The following CHD3 variants were observed in gnomAD, a reference collection of about 807,000 sequenced individuals.
CHD3 encodes chromodomain helicase DNA binding protein 3.
CHD3 carries 52 observed loss-of-function variants against 248.9 expected under a neutral mutation model. That is an observed-to-expected ratio of 0.21 (90% CI 0.17 to 0.26). The LOEUF is 0.26. CHD3 is among the 10% of genes least tolerant of loss of function. CHD3 has a pLI of 1.00. For synonymous variants in CHD3, 985 were observed against 985.2 expected (o/e 1.00, Z 0.00); for missense variants, 1,482 against 2,605.8 (o/e 0.57, Z 9.39).
At position 7,890,625 on chromosome 17, in the gene CHD3, A is replaced by C; in HGVS notation, c.268A>C (p.Ser90Arg). 6.2e-7 allele frequency: 1 copy of C among 1,608,636 alleles called. No homozygotes were observed. The highest frequency in any genetic ancestry group is 8.5e-7 in the Non-Finnish European group (1 of 1,178,532). ...AGATGAGTACCGGGAGAAGTCAGAG[A>C]GTGGGGGCAGTGAATATGGAACCGG... ...ERDEYREKSESGGSEYGTGPG... is the reference protein window; with the variant it reads ...ERDEYREKSERGGSEYGTGPG... The change falls in exon 3 of 40, where the codon AGT becomes CGT. Residue 90 changes from serine to arginine, a missense_variant. Physicochemically the swap from Ser to Arg is moderately radical, Grantham distance 110. Around this residue, in one of 20 missense-constraint regions of CHD3, gnomAD observed 169 missense variants for 168.1 expected, o/e 1.01. Coordinates refer to ENST00000330494, the MANE Select transcript of CHD3 (RefSeq NM_001005273.3).
rs1969544575 is a variant in CHD3, at chr17:7,895,716, C to T, written c.1707+174C>T. On this transcript the variant is annotated intron_variant, in intron 10 of 39. Transcript: ENST00000330494. The surrounding 1 kb of genome is among the most constrained non-coding windows in gnomAD (Gnocchi z 4.9). ...ATATGTGGTTCTTTTGGTCTACAGT[C>T]CTCTTTCTCTCAGTCTCCGTTAGCT... 6 of 615,986 alleles carry T rather than the reference C, an allele frequency of 9.7e-6. No homozygotes were observed. Among genetic ancestry groups the T allele is most frequent in the Admixed American group, 3.0e-5 (1 of 32,792 alleles). 38.2% of individuals were successfully genotyped at this position (615,986 alleles called of 1,614,324 possible).
Position 7,890,879 on chromosome 17 carries a change from G to C in CHD3, c.385-61G>C, listed in dbSNP as rs542536264. On this transcript the variant is annotated intron_variant, in intron 3 of 39. Coordinates refer to ENST00000330494, the MANE Select transcript of CHD3 (RefSeq NM_001005273.3). Reference sequence around the variant, plus strand: ...AGCTAGTGGGTAGGTAGACAGGCCTGTGTGCGGCCTGGAATAGGGGCTGGA... The same window carrying C: ...AGCTAGTGGGTAGGTAGACAGGCCTCTGTGCGGCCTGGAATAGGGGCTGGA... 17 of 1,608,500 alleles carry C rather than the reference G, an allele frequency of 1.1e-5. No homozygotes were observed. The South Asian group carries it at 1.7e-4, about 16-fold the overall frequency.
At position 7,894,090 on chromosome 17, in the gene CHD3, C is replaced by G. The variant is rs377613189; in HGVS notation, c.925-25C>G. The G allele has an allele frequency of 3.2e-6, 5 of 1,585,580 alleles. No homozygotes were observed. In the African/African-American group the frequency reaches 4.1e-5, roughly 13 times the overall value. ...AGGGCGTAGAATGAAGTCTGCCTCA[C>G]TGACGGCCACGGGGCTATGGGCAGT... is the stretch of plus-strand genomic sequence containing the variant. On this transcript the variant is annotated intron_variant, in intron 6 of 39. Transcript: ENST00000330494.
At chr17:7,892,239 C>T (rs2151482427) in intron 4 of CHD3, among the ~76,000 whole-genome samples, 1 of 152,274 alleles carries the variant, frequency 6.6e-6, no homozygotes, top group East Asian at 1.9e-4. Flanking sequence ...AGCACCCCAC[C>T]CCAGAGCAGA....
At chr17:7,896,989 C>T (rs1305333930) in intron 10 of CHD3, 94 bp from the exon 11 acceptor site, 1 of 1,018,926 alleles carries the variant, frequency 9.8e-7, no homozygotes, top group East Asian at 2.5e-5. Flanking sequence ...CTCCCTTTCC[C>T]TGTCCCATTC....
rs1238939132 is a variant in CHD3 at position 7,911,606 on chromosome 17, T to G, written c.*21T>G. On this transcript the variant is annotated 3_prime_UTR_variant, in exon 40 of 40. Coordinates refer to ENST00000330494, the MANE Select transcript of CHD3 (RefSeq NM_001005273.3). This position sits in a 1 kb window ranked among gnomAD's most constrained non-coding sequence, Gnocchi z 5.4. ...ACTGACTGGATCCCAGGCCTGCCCT[T>G]CACCCAGGCCCCGTCCCCGAGGCCG... The G allele has an allele frequency of 6.2e-7, 1 of 1,613,704 alleles. No homozygotes were observed.
In CHD3 at chr17:7,903,178, T is replaced by G; in HGVS notation, c.3496-94T>G. ...TCTCTTCTGGGAGGAGAGAAGGCCC[T>G]TCTTCAGCAGCCTTCTTTCCTGAGG... On this transcript the variant is annotated intron_variant, in intron 22 of 39. Transcript: ENST00000330494. The surrounding 1 kb of genome is among the most constrained non-coding windows in gnomAD (Gnocchi z 6.8). The G allele has an allele frequency of 6.4e-7, 1 of 1,565,232 alleles. No individual in the cohort carries two copies. Among genetic ancestry groups the G allele is most frequent in the Non-Finnish European group, 8.7e-7 (1 of 1,144,164 alleles).
chr17:7,885,025 C>T (rs1203779625), upstream of CHD3: 5 of 1,161,118 alleles, frequency 4.3e-6, no homozygotes, highest in Non-Finnish European at 5.3e-6. Flanking sequence ...GCCACCTCTT[C>T]CCGCCGCCGC....
In CHD3 at chr17:7,898,525, A is replaced by T; in HGVS notation, c.2081A>T (p.Gln694Leu). The T allele has an allele frequency of 6.2e-7, 1 of 1,614,148 alleles. No individual in the cohort carries two copies. The stretch of plus-strand genomic sequence containing the variant: ...CTAATTATGGGGGAAGACCCTGCCC[A>T]GCCCCGCAAGTATAAGAAGAAGAAG... ...RELIMGEDPA[Q>L]PRKYKKKKKE... The change falls in exon 13 of 40, where the codon CAG (glutamine) becomes CTG (leucine). Residue 694 changes from glutamine to leucine, a missense_variant. This residue lies in a region of CHD3 where 127 missense variants were observed against 188.3 expected (regional missense o/e 0.67). Coordinates refer to ENST00000330494, the MANE Select transcript of CHD3 (RefSeq NM_001005273.3).
rs969049037 is a variant in CHD3, at chr17:7,909,202, G to A, written c.5454G>A (p.Leu1818=). ...EQLRRAAYLN[L]SQEPAHPAMA... The stretch of plus-strand genomic sequence containing the variant: ...TGCGGCGGGCGGCCTACCTGAACCT[G>A]TCGCAGGAGCCGGCGCACCCCGCCA... Residue 1818 remains leucine (L), a synonymous_variant, in exon 37 of 40, where the codon CTG becomes CTA. Coordinates refer to ENST00000330494, the MANE Select transcript of CHD3 (RefSeq NM_001005273.3). This position sits in a 1 kb window ranked among gnomAD's most constrained non-coding sequence, Gnocchi z 8.1. 1.3e-6 allele frequency: 2 copies of A among 1,549,430 alleles called. No individual in the cohort carries two copies. The highest frequency in any genetic ancestry group is 2.4e-5 in the East Asian group (1 of 41,018).
chr17:7,908,534 A>G lies in CHD3; in HGVS notation c.5261+24A>G, dbSNP rs1450114711. ...CTGTATCCTTTGATACACATGCAAG[A>G]AGGAAAAGGTTCTCTCAAGCTGGCA... On this transcript the variant is annotated intron_variant, in intron 35 of 39. Coordinates refer to ENST00000330494, the MANE Select transcript of CHD3 (RefSeq NM_001005273.3). This position sits in a 1 kb window ranked among gnomAD's most constrained non-coding sequence, Gnocchi z 5.8. 1 of 1,601,080 alleles carries G rather than the reference A, an allele frequency of 6.2e-7. No individual in the cohort carries two copies. The highest frequency in any genetic ancestry group is 2.2e-5 in the East Asian group (1 of 44,808).
In CHD3 at chr17:7,909,329, C is replaced by T. The variant is rs1294181287; in HGVS notation, c.5581C>T (p.Leu1861=). The T allele has an allele frequency of 2.6e-6, 4 of 1,556,200 alleles. No individual in the cohort carries two copies. The highest frequency in any genetic ancestry group is 3.5e-6 in the Non-Finnish European group (4 of 1,151,426). The part of the protein sequence containing the change: ...LAGNKPANAV[L]HKVLNQLEEL... ...GGGGAACAAGCCGGCCAACGCCGTCCTGCACAAGGGTAAGGGCCGCGGCGG... is the reference window on the plus strand; with the variant it reads ...GGGGAACAAGCCGGCCAACGCCGTCTTGCACAAGGGTAAGGGCCGCGGCGG... Residue 1861 remains leucine, a synonymous_variant, in exon 37 of 40, where the codon CTG becomes TTG. Coordinates refer to ENST00000330494, the MANE Select transcript of CHD3 (RefSeq NM_001005273.3). This position sits in a 1 kb window ranked among gnomAD's most constrained non-coding sequence, Gnocchi z 8.1.
In CHD3 at chr17:7,908,032, C is replaced by T. The variant is rs1971210414; in HGVS notation, c.5152+13C>T. 5 of 1,587,232 alleles carry T rather than the reference C, an allele frequency of 3.2e-6. No homozygotes were observed. The highest frequency in any genetic ancestry group is 1.7e-5 in the Admixed American group (1 of 57,650). ...GGTGGCTTCACAGGTTGGGGAGACT[C>T]TCGCTGCTTTCTGCTCCTCAAGGGG... On this transcript the variant is annotated intron_variant, in intron 34 of 39. Coordinates refer to ENST00000330494, the MANE Select transcript of CHD3 (RefSeq NM_001005273.3). The surrounding 1 kb of genome is among the most constrained non-coding windows in gnomAD (Gnocchi z 5.8).
upstream of CHD3, among the ~76,000 whole-genome samples, chr17:7,886,292 C>T (rs891205527): frequency 7.9e-5 from 12 of 152,230 alleles, no homozygotes; most frequent in African/African-American, 2.9e-4. This position sits in a 1 kb window ranked among gnomAD's most constrained non-coding sequence, Gnocchi z 4.2. Flanking sequence ...CCCCCTCAGA[C>T]CACCCTCCTA....
In CHD3 at chr17:7,889,247, C is replaced by G. The variant is rs1366030690; in HGVS notation, c.100+147C>G. Reference sequence around the variant, plus strand: ...TAGGGAGCTGCCAGCTTGTGTCTCCCCACTCCAAGTGCTGGGGTCAGGCCA... The same window carrying G: ...TAGGGAGCTGCCAGCTTGTGTCTCCGCACTCCAAGTGCTGGGGTCAGGCCA... On this transcript the variant is annotated intron_variant, in intron 1 of 39. Coordinates refer to ENST00000330494, the MANE Select transcript of CHD3 (RefSeq NM_001005273.3). The surrounding 1 kb of genome is among the most constrained non-coding windows in gnomAD (Gnocchi z 4.5). The G allele has an allele frequency of 9.9e-7, 1 of 1,010,906 alleles. No individual in the cohort carries two copies. Among genetic ancestry groups the G allele is most frequent in the East Asian group, 2.6e-5 (1 of 39,040 alleles). 62.6% of individuals were successfully genotyped at this position (1,010,906 alleles called of 1,614,324 possible). A position where few individuals can be genotyped will look rare whatever the true frequency, so the allele number is the denominator to read the frequency against.
rs1367804819 is a variant in CHD3, at chr17:7,893,460, C to T, written c.684C>T (p.Val228=). The part of the protein sequence containing the change: ...AAVAEQVSAA[V]SSATPIAPSG... ...TAGCTGAGCAGGTGTCAGCTGCTGT[C>T]TCGTCGGCCACCCCCATAGCACCCT... The change falls in exon 5 of 40, where the codon GTC becomes GTT. Residue 228 remains valine (V), a synonymous_variant. Transcript: ENST00000330494. 3 of 1,610,580 alleles carry T rather than the reference C, an allele frequency of 1.9e-6. No homozygotes were observed. Among genetic ancestry groups the T allele is most frequent in the East Asian group, 4.5e-5 (2 of 44,766 alleles).
rs1437956001 is a variant in CHD3 at position 7,909,613 on chromosome 17, C to T, written c.5590+275C>T. On this transcript the variant is annotated intron_variant, in intron 37 of 39. Coordinates refer to ENST00000330494, the MANE Select transcript of CHD3 (RefSeq NM_001005273.3). This position sits in a 1 kb window ranked among gnomAD's most constrained non-coding sequence, Gnocchi z 8.1. ...CTGTGTCCCCTCCACACAGTGGGGCCTCTTCACTGGCAGTGGAACTGCATG... is the reference window on the plus strand; with the variant it reads ...CTGTGTCCCCTCCACACAGTGGGGCTTCTTCACTGGCAGTGGAACTGCATG... 2.0e-6 allele frequency: 1 copy of T among 506,386 alleles called. No individual in the cohort carries two copies. The highest frequency in any genetic ancestry group is 3.5e-6 in the Non-Finnish European group (1 of 287,422). 31.4% of individuals were successfully genotyped at this position (506,386 alleles called of 1,614,324 possible). A position where few individuals can be genotyped will look rare whatever the true frequency, so the allele number is the denominator to read the frequency against.
At chr17:7,887,770 C>G (rs1344916051), upstream of CHD3, among the ~76,000 whole-genome samples, 2 of 152,264 alleles carry the variant, frequency 1.3e-5, no homozygotes, top group Non-Finnish European at 2.9e-5. Flanking sequence ...TCCTCCCTGC[C>G]TCCCTGAGAT....
In CHD3 at chr17:7,907,305, G is replaced by A. The variant is rs374490245; in HGVS notation, c.4789-48G>A. ...GGAGGGGAGGGGGCTTGGAGGCCAG[G>A]TACCTGGGAGCCCTCTGGCTCATCC... On this transcript the variant is annotated intron_variant, in intron 31 of 39. Transcript: ENST00000330494. The surrounding 1 kb of genome is among the most constrained non-coding windows in gnomAD (Gnocchi z 4.3). 1.9e-6 allele frequency: 3 copies of A among 1,612,640 alleles called. No individual in the cohort carries two copies. In the African/African-American group the frequency reaches 4.0e-5, roughly 22 times the overall value.
Sources: allele counts gnomAD v4.1 joint callset (sites outside exome capture counted in the v4.1 genomes callset), GRCh38; gene constraint gnomAD v4.1.1; regional missense constraint gnomAD v4.1.1; non-coding constraint Gnocchi (gnomAD v3.1); transcripts MANE v1.5; gene names NCBI Gene and HGNC (gene_info 2026-07-23, HGNC 2026-07-21).